Variants in KDSR observed in about 807,000 individuals in gnomAD.
The protein encoded by KDSR is 3-ketodihydrosphingosine reductase, also known as 3-dehydrosphinganine reductase.
In KDSR, 23 loss-of-function variants were observed where a neutral mutation model predicts 41.3. The ratio of observed to expected loss-of-function variants is 0.56; its 90% CI spans 0.40 to 0.79. The LOEUF is 0.79. Among genes scored for constraint, KDSR ranks in the 30% least tolerant of loss-of-function variants. The pLI is 0.00. For synonymous variants in KDSR, 138 were observed against 151.7 expected (o/e 0.91, Z 0.66); for missense variants, 351 against 416.8 (o/e 0.84, Z 1.37).
chr18:63,355,839 G>A (rs1914780458), intron 3 of KDSR, among the ~76,000 whole-genome samples: 1 of 152,184 alleles, frequency 6.6e-6, no homozygotes, highest in East Asian at 1.9e-4. Context: ...GTTGCCCACA[G>A]CCAGGCATGG....
intron 6 of KDSR, among the ~76,000 whole-genome samples, chr18:63,350,589 T>A (rs1914634946): frequency 6.6e-6 from 1 of 152,232 alleles, no homozygotes; most frequent in African/African-American, 2.4e-5. Context: ...TGGTTAACCT[T>A]ACTCACATTC....
At chr18:63,335,658 G>A in intron 8 of KDSR, 1 of 225,514 alleles carries the variant, frequency 4.4e-6, no homozygotes, top group Non-Finnish European at 8.7e-6. Flanking sequence ...CTGCAAAACT[G>A]CAGAGACATG....
chr18:63,354,013 G>GA (rs959504172), intron 5 of KDSR, among the ~76,000 whole-genome samples: 18 of 150,934 alleles, frequency 1.2e-4, no homozygotes, highest in African/African-American at 3.4e-4. Context: ...GTAGGACAAT[G>GA]AAAAAAAAAG....
chr18:63,354,881 C>T (rs776379474), intron 5 of KDSR, among the ~76,000 whole-genome samples: 1 of 152,104 alleles, frequency 6.6e-6, no homozygotes, highest in African/African-American at 2.4e-5. Context: ...TAGGAACATC[C>T]GGCATCTCTT....
chr18:63,364,204 G>C (rs577795930), intron 1 of KDSR, among the ~76,000 whole-genome samples: 1 of 151,976 alleles, frequency 6.6e-6, no homozygotes, highest in Non-Finnish European at 1.5e-5. Context: ...TGTCTCCCCT[G>C]CCCCCACACT....
intron 7 of KDSR, 110 bp from the exon 8 acceptor site, chr18:63,338,993 G>A: frequency 3.1e-6 from 2 of 645,450 alleles, no homozygotes; most frequent in Non-Finnish European, 5.2e-6. Flanking sequence ...TTCTACCTTT[G>A]GGCAGATTCC....
chr18:63,361,722 G>A (rs552122727), intron 2 of KDSR, among the ~76,000 whole-genome samples: 2 of 152,234 alleles, frequency 1.3e-5, no homozygotes, highest in South Asian at 4.1e-4. Flanking sequence ...AGCTAAGGCA[G>A]GAGAATCACT....
intron 1 of KDSR, among the ~76,000 whole-genome samples, chr18:63,364,782 T>C (rs1395144481): frequency 4.6e-5 from 7 of 152,222 alleles, no homozygotes; most frequent in Admixed American, 6.5e-5. Context: ...AATTACATAA[T>C]ATTGCATAGT....
At chr18:63,354,348 G>A (rs1914740037) in intron 5 of KDSR, among the ~76,000 whole-genome samples, 1 of 152,104 alleles carries the variant, frequency 6.6e-6, no homozygotes, top group South Asian at 2.1e-4. Flanking sequence ...TTGATGCGAT[G>A]GCAACTAAAA....
rs1261409036 is a variant in KDSR, at chr18:63,331,294, CAGAGAGACAGAG to C, written c.*476_*487del. On this transcript the variant is annotated 3_prime_UTR_variant, in exon 10 of 10. Transcript: ENST00000645214. ...AGAGAGAGAGAGAGAGACAGAGAGA[CAGAGAGACAGAG>C]AGACAGAGAGACAGAGAGACAGAGA... 2 of 81,710 alleles carry C rather than the reference CAGAGAGACAGAG, an allele frequency of 2.4e-5. No homozygotes were observed. Among genetic ancestry groups the C allele is most frequent in the Non-Finnish European group, 7.3e-5 (2 of 27,218 alleles). The allele number at this position is 81,710 out of a possible 1,614,324, so 5.1% of individuals were successfully genotyped here. A position where few individuals can be genotyped will look rare whatever the true frequency, so the allele number is the denominator to read the frequency against.
In KDSR at chr18:63,367,082, C is replaced by T; in HGVS notation, c.37G>A (p.Val13Met). 1 of 1,335,906 alleles carries T rather than the reference C, an allele frequency of 7.5e-7. No individual in the cohort carries two copies. Among genetic ancestry groups the T allele is most frequent in the Non-Finnish European group, 9.6e-7 (1 of 1,038,418 alleles). 82.8% of individuals were successfully genotyped at this position (1,335,906 alleles called of 1,614,324 possible). ...GGAGACACCATGTACAGCAGCAGCA[C>T]GAAGGCCACGAGGAAGGCGGCAGCC... ...LLAAAFLVAF[V>M]LLLYMVSPLI... The change falls in exon 1 of 10, where the codon GTG becomes ATG. Residue 13 changes from valine (V) to methionine (M), a missense_variant. By Grantham distance (21) the Val-to-Met change is conservative (BLOSUM62 1). Coordinates refer to ENST00000645214, the MANE Select transcript of KDSR (RefSeq NM_002035.4).
At chr18:63,344,566 G>T in intron 6 of KDSR, 73 bp from the exon 7 acceptor site, 1 of 1,051,410 alleles carries the variant, frequency 9.5e-7, no homozygotes. Flanking sequence ...AACCTGCACT[G>T]GCTGCCCTGA....
chr18:63,331,256 CAAAG>C lies in KDSR; in HGVS notation c.*522_*525del, dbSNP rs374519252. 5 of 218,360 alleles carry C rather than the reference CAAAG, an allele frequency of 2.3e-5. No individual in the cohort carries two copies. Among genetic ancestry groups the C allele is most frequent in the East Asian group, 1.2e-4 (2 of 16,290 alleles). 13.5% of individuals were successfully genotyped at this position (218,360 alleles called of 1,614,324 possible). On this transcript the variant is annotated 3_prime_UTR_variant, in exon 10 of 10. Coordinates refer to ENST00000645214, the MANE Select transcript of KDSR (RefSeq NM_002035.4). ...TCCAACTCATCTTGAATAAAATACA[CAAAG>C]AAAGAAAGAGAGAGAGAGAGAGAGA... is the stretch of plus-strand genomic sequence containing the variant.
Position 63,331,776 on chromosome 18 carries a change from A to G in KDSR, c.*6T>C. On this transcript the variant is annotated 3_prime_UTR_variant, in exon 10 of 10. Coordinates refer to ENST00000645214, the MANE Select transcript of KDSR (RefSeq NM_002035.4). ...GGAAACAGTCTTCTTCCAAGGGGTA[A>G]GAAGATTAGGCAGTTTTGTCTGCAT... 6.2e-7 allele frequency: 1 copy of G among 1,612,782 alleles called. No homozygotes were observed. Among genetic ancestry groups the G allele is most frequent in the Non-Finnish European group, 8.5e-7 (1 of 1,179,514 alleles).
intron 9 of KDSR, among the ~76,000 whole-genome samples, chr18:63,333,084 T>A (rs1472529178): frequency 6.6e-6 from 1 of 151,838 alleles, no homozygotes; most frequent in Admixed American, 6.6e-5. Flanking sequence ...GCGATGGAAA[T>A]TTTTTTAATT....
intron 3 of KDSR, among the ~76,000 whole-genome samples, chr18:63,359,323 T>C (rs1230778824): frequency 6.6e-6 from 1 of 152,128 alleles, no homozygotes; most frequent in Non-Finnish European, 1.5e-5. Context: ...CCTGATCATT[T>C]CTACTTCTTA....
At chr18:63,336,770 A>C (rs1914171229) in intron 8 of KDSR, among the ~76,000 whole-genome samples, 1 of 152,174 alleles carries the variant, frequency 6.6e-6, no homozygotes, top group Non-Finnish European at 1.5e-5. Flanking sequence ...AGAAACTACC[A>C]TTTGTTGAGT....
At chr18:63,345,323 C>G (rs1914468888) in intron 6 of KDSR, 1 of 152,430 alleles carries the variant, frequency 6.6e-6, no homozygotes, top group African/African-American at 2.4e-5. Context: ...CTTCACGACC[C>G]CACTCATACA....
chr18:63,337,279 C>G (rs933703778), intron 8 of KDSR, among the ~76,000 whole-genome samples: 5 of 152,014 alleles, frequency 3.3e-5, no homozygotes, highest in African/African-American at 1.2e-4. Context: ...CCACACCCGA[C>G]TAATTTTTGT....
Sources: gnomAD v4.1 joint callset for allele counts (sites outside exome capture counted in the v4.1 genomes callset) on GRCh38, gnomAD v4.1.1 for gene constraint, MANE v1.5 for transcripts, NCBI Gene and HGNC (gene_info 2026-07-23, HGNC 2026-07-21) for gene names.